The following SPTB variants were observed in gnomAD, a reference collection of about 807,000 sequenced individuals.
The protein encoded by SPTB is spectrin beta, erythrocytic.
A neutral mutation model predicts 256.2 loss-of-function variants in SPTB; 45 were observed. That is an observed-to-expected ratio of 0.18 (90% confidence interval 0.14 to 0.23). The LOEUF is 0.23. Ranked by LOEUF, SPTB falls within the 10% of genes least tolerant of loss-of-function variation. The pLI is 1.00. For synonymous variants in SPTB, 1,231 were observed against 1,243.1 expected (o/e 0.99, Z 0.21); for missense variants, 2,715 against 3,040.4 (o/e 0.89, Z 2.52).
chr14:64,870,162 C>A (rs916770154), intron 1 of SPTB, among the ~76,000 whole-genome samples: 1 of 152,036 alleles, frequency 6.6e-6, no homozygotes, highest in Non-Finnish European at 1.5e-5. Context: ...AAGCAATCAG[C>A]GCTACCCCAG....
Position 64,777,728 on chromosome 14 carries a change from T to C in SPTB, c.4563+1429A>G, listed in dbSNP as rs564110331. 2.6e-5 allele frequency among the ~76,000 whole-genome samples: 4 copies of C among 152,300 alleles called. No individual in the cohort carries two copies. In the South Asian group the frequency reaches 6.2e-4, roughly 24 times the overall value. ...GTTAAAGGAGTTGCATATTGGAGTTTGACAACCATTGCAACAGAGGGTTTT... is the reference window on the plus strand; with the variant it reads ...GTTAAAGGAGTTGCATATTGGAGTTCGACAACCATTGCAACAGAGGGTTTT... On this transcript the variant is annotated intron_variant, in intron 22 of 35. Coordinates refer to ENST00000644917, the MANE Select transcript of SPTB (RefSeq NM_001355436.2). The surrounding 1 kb of genome is among the most constrained non-coding windows in gnomAD (Gnocchi z 4.5).
At position 64,749,428 on chromosome 14, in the gene SPTB, CGTT is replaced by C. The variant is rs770027884; in HGVS notation, c.6862_6864del (p.Asn2288del). The C allele has an allele frequency of 7.5e-6, 12 of 1,604,888 alleles. No individual in the cohort carries two copies. The highest frequency in any genetic ancestry group is 1.3e-5 in the African/African-American group (1 of 74,920). On this transcript the variant is annotated inframe_deletion, in exon 36 of 36. Transcript: ENST00000644917. The surrounding 1 kb of genome is among the most constrained non-coding windows in gnomAD (Gnocchi z 4.7). ...GCCTTGACGCGGATGCTCTGGGACT[CGTT>C]GATGGCGGTGCTCACGCCCTGCAGC...
At position 64,760,974 on chromosome 14, in the gene SPTB, C is replaced by G. The variant is rs2082085547; in HGVS notation, c.6345+5752G>C. On this transcript the variant is annotated intron_variant, in intron 32 of 35. Coordinates refer to ENST00000644917, the MANE Select transcript of SPTB (RefSeq NM_001355436.2). The surrounding 1 kb of genome is among the most constrained non-coding windows in gnomAD (Gnocchi z 4.3). ...GCACCTGCCCGATGGGGTTCACAGTCTAAATGAGATGATCCTGGCTTATGC... is the reference window on the plus strand; with the variant it reads ...GCACCTGCCCGATGGGGTTCACAGTGTAAATGAGATGATCCTGGCTTATGC... Among the ~76,000 whole-genome samples the G allele has an allele frequency of 6.6e-6, 1 of 152,214 alleles. No homozygotes were observed. The highest frequency in any genetic ancestry group is 1.5e-5 in the Non-Finnish European group (1 of 68,034).
At position 64,774,395 on chromosome 14, in the gene SPTB, A is replaced by G; in HGVS notation, c.4973+2T>C. ...CCGAGTCACCACAGGGGGCGCACGC[A>G]CCCCTCAGGGTGGCCTGCAGACAGC... On this transcript the variant is annotated splice_donor_variant, in intron 24 of 35. Coordinates refer to ENST00000644917, the MANE Select transcript of SPTB (RefSeq NM_001355436.2). LOFTEE classifies it high-confidence loss of function. 1 of 1,585,688 alleles carries G rather than the reference A, an allele frequency of 6.3e-7. No homozygotes were observed.
intron 33 of SPTB, chr14:64,750,368 CA>C (rs2081926587): frequency 3.7e-6 from 2 of 538,542 alleles, no homozygotes; most frequent in Non-Finnish European, 6.2e-6. Context: ...CACATTTTCG[CA>C]TTTTTTTTTT....
In SPTB at chr14:64,767,807, C is replaced by T. The variant is rs1566742507; in HGVS notation, c.6075G>A (p.Leu2025=). ...SRDASVAEAW[L]IAQEPYLASG... is the part of the protein sequence containing the mutation. ...TGGCCAGGTAGGGCTCCTGGGCAAT[C>T]AGCCACGCCTCAGCCACAGAGGCAT... Residue 2025 remains leucine, a synonymous_variant, in exon 30 of 36, where the codon CTG becomes CTA. Transcript: ENST00000644917. 2 of 1,614,134 alleles carry T rather than the reference C, an allele frequency of 1.2e-6. No homozygotes were observed. Among genetic ancestry groups the T allele is most frequent in the Admixed American group, 1.7e-5 (1 of 60,022 alleles).
chr14:64,771,180 G>A (rs746202876), intron 26 of SPTB, 51 bp from the exon 27 acceptor site: 3 of 1,608,376 alleles, frequency 1.9e-6, no homozygotes, highest in Non-Finnish European at 1.7e-6. Flanking sequence ...CTCCCTAGGT[G>A]CTGTGGGCCT....
Position 64,866,029 on chromosome 14 carries a change from T to C in SPTB, c.-52+13763A>G, listed in dbSNP as rs969396231. The stretch of plus-strand genomic sequence containing the variant: ...CTGACTCTATAAGCAGCAACCTGGA[T>C]TTTAAATGAGAAAAACAGAGACCAT... On this transcript the variant is annotated intron_variant, in intron 1 of 35. Transcript: ENST00000644917. This position sits in a 1 kb window ranked among gnomAD's most constrained non-coding sequence, Gnocchi z 4.6. Among the ~76,000 whole-genome samples the C allele has an allele frequency of 6.6e-6, 1 of 152,192 alleles. No homozygotes were observed. The highest frequency in any genetic ancestry group is 1.5e-5 in the Non-Finnish European group (1 of 68,026).
Position 64,818,222 on chromosome 14 carries a change from C to T in SPTB, c.148+4725G>A, listed in dbSNP as rs74056035. Among the ~76,000 whole-genome samples the T allele has an allele frequency of 7.6e-3, 1,158 of 152,330 alleles. 14 individuals are homozygous for T. The highest frequency in any genetic ancestry group is 0.027 in the African/African-American group (1,103 of 41,568). On this transcript the variant is annotated intron_variant, in intron 2 of 35. Coordinates refer to ENST00000644917, the MANE Select transcript of SPTB (RefSeq NM_001355436.2). ...GGTGATTGCTCCACAGGCCAAAGAACAGGAGGAAGACTGAGAAAGAACGTG... is the reference window on the plus strand; with the variant it reads ...GGTGATTGCTCCACAGGCCAAAGAATAGGAGGAAGACTGAGAAAGAACGTG...
At chr14:64,839,038 C>T (rs1020568296) in intron 1 of SPTB, among the ~76,000 whole-genome samples, 3 of 151,518 alleles carry the variant, frequency 2.0e-5, no homozygotes, top group Admixed American at 6.6e-5. Context: ...GAGGCTGAGG[C>T]GGAGAATTGC....
chr14:64,772,669 C>T lies in SPTB; in HGVS notation c.5464G>A (p.Glu1822Lys), dbSNP rs763716590. 21 of 1,613,422 alleles carry T rather than the reference C, an allele frequency of 1.3e-5. No individual in the cohort carries two copies. Among genetic ancestry groups the T allele is most frequent in the East Asian group, 4.5e-5 (2 of 44,894 alleles). The change falls in exon 26 of 36, where the codon GAG becomes AAG. Residue 1822 changes from glutamate to lysine, a missense_variant. By Grantham distance (56) the Glu-to-Lys change is moderately conservative. Transcript: ENST00000644917. This position sits in a 1 kb window ranked among gnomAD's most constrained non-coding sequence, Gnocchi z 5.4. Reference sequence around the variant, plus strand: ...GTGCTGGCGTCCAGCCCCACGTCCTCGGGCAGCTCGCGGTGCTTCTCGTCG... The same window carrying T: ...GTGCTGGCGTCCAGCCCCACGTCCTTGGGCAGCTCGCGGTGCTTCTCGTCG... ...LIDEKHRELP[E>K]DVGLDASTAE... is the part of the protein sequence containing the mutation.
chr14:64,785,498 A>T lies in SPTB; in HGVS notation c.3855+39T>A. On this transcript the variant is annotated intron_variant, in intron 18 of 35. Transcript: ENST00000644917. This position sits in a 1 kb window ranked among gnomAD's most constrained non-coding sequence, Gnocchi z 4.4. ...TGAGGGAACTCTGCTTCTAGAAAGG[A>T]ATCTCCAGGAAAGCAGCCACTCCTT... 6.4e-7 allele frequency: 1 copy of T among 1,561,548 alleles called. No individual in the cohort carries two copies.
At chr14:64,770,161 G>A (rs1001418593) in intron 27 of SPTB, among the ~76,000 whole-genome samples, 22 of 152,204 alleles carry the variant, frequency 1.4e-4, no homozygotes, top group African/African-American at 4.8e-4. Context: ...TGGTTTCCAG[G>A]GACTAGGAAG....
chr14:64,780,198 G>T (rs923807180), intron 20 of SPTB, among the ~76,000 whole-genome samples: 2 of 152,174 alleles, frequency 1.3e-5, no homozygotes, highest in African/African-American at 4.8e-5. Flanking sequence ...CATGATAAAA[G>T]CAAGTCCAGT....
At position 64,823,316 on chromosome 14, in the gene SPTB, T is replaced by C. The variant is rs2083326758; in HGVS notation, c.-51-171A>G. On this transcript the variant is annotated intron_variant, in intron 1 of 35. Transcript: ENST00000644917. The surrounding 1 kb of genome is among the most constrained non-coding windows in gnomAD (Gnocchi z 6.5). ...GGTCTCTGGGTCGTTTGTTATAAAATATTGCAGCAGCAGCAGCAGCAACAG... is the reference window on the plus strand; with the variant it reads ...GGTCTCTGGGTCGTTTGTTATAAAACATTGCAGCAGCAGCAGCAGCAACAG... Among the ~76,000 whole-genome samples, 1 of 152,042 alleles carries C rather than the reference T, an allele frequency of 6.6e-6. No individual in the cohort carries two copies. Among genetic ancestry groups the C allele is most frequent in the Non-Finnish European group, 1.5e-5 (1 of 68,004 alleles).
intron 1 of SPTB, among the ~76,000 whole-genome samples, chr14:64,860,840 C>T (rs544812207): frequency 6.6e-6 from 1 of 152,114 alleles, no homozygotes; most frequent in Non-Finnish European, 1.5e-5. Flanking sequence ...ACCAGAAATA[C>T]CATTTGATCC....
In SPTB at chr14:64,791,625, C is replaced by A. The variant is rs531511375; in HGVS notation, c.2804+94G>T. On this transcript the variant is annotated intron_variant, in intron 15 of 35. Transcript: ENST00000644917. ...TGTTGAGGGTATAGAAGTGTTGGTG[C>A]ATACTAGGTGGACTAAATTTTGGGC... The A allele has an allele frequency of 4.1e-5, 45 of 1,090,624 alleles. No homozygotes were observed. In the African/African-American group the frequency reaches 7.2e-4, roughly 17 times the overall value. The allele number at this position is 1,090,624 out of a possible 1,614,324, so 67.6% of individuals were successfully genotyped here.
At chr14:64,813,203 T>C (rs7148214) in intron 2 of SPTB, among the ~76,000 whole-genome samples, 1 of 152,184 alleles carries the variant, frequency 6.6e-6, no homozygotes, top group Non-Finnish European at 1.5e-5. Context: ...AAACAACAGA[T>C]GTCATAAAGA....
intron 1 of SPTB, among the ~76,000 whole-genome samples, chr14:64,877,221 G>A (rs2139838225): frequency 6.6e-6 from 1 of 151,402 alleles, no homozygotes; most frequent in East Asian, 1.9e-4. Flanking sequence ...ACAATGACCT[G>A]AAAATAATGG....
Sources: allele counts gnomAD v4.1 joint callset (sites outside exome capture counted in the v4.1 genomes callset), GRCh38; gene constraint gnomAD v4.1.1; non-coding constraint Gnocchi (gnomAD v3.1); transcripts MANE v1.5; gene names NCBI Gene and HGNC (gene_info 2026-07-23, HGNC 2026-07-21).